Variants in RAB11FIP4 observed in about 807,000 individuals in gnomAD.
The protein encoded by RAB11FIP4 is rab11 family-interacting protein 4.
In RAB11FIP4, 23 loss-of-function variants were observed where a neutral mutation model predicts 74.3. That is an observed-to-expected ratio of 0.31 (90% CI 0.22 to 0.44). RAB11FIP4 has a LOEUF of 0.44. Ranked by LOEUF, RAB11FIP4 falls within the 20% of genes least tolerant of loss-of-function variation. RAB11FIP4 has a pLI of 1.00. For synonymous variants in RAB11FIP4, 360 were observed against 359.9 expected (o/e 1.00, Z 0.00); for missense variants, 630 against 863.9 (o/e 0.73, Z 3.39).
At position 31,536,064 on chromosome 17, in the gene RAB11FIP4, C is replaced by T. The variant is rs940693319; in HGVS notation, c.*4332C>T. The T allele has an allele frequency of 1.7e-4, 25 of 150,722 alleles. No homozygotes were observed. The highest frequency in any genetic ancestry group is 5.9e-4 in the Admixed American group (9 of 15,134). The allele number at this position is 150,722 out of a possible 1,614,324, so 9.3% of individuals were successfully genotyped here. A position where few individuals can be genotyped will look rare whatever the true frequency, so the allele number is the denominator to read the frequency against. ...GGGGGGGGGGGCGCGGGGACAGAAGCGCGGGTTCTTGGTTCCAATGAGGGA... is the reference window on the plus strand; with the variant it reads ...GGGGGGGGGGGCGCGGGGACAGAAGTGCGGGTTCTTGGTTCCAATGAGGGA... On this transcript the variant is annotated 3_prime_UTR_variant, in exon 15 of 15. Transcript: ENST00000621161.
chr17:31,402,905 G>T lies in RAB11FIP4; in HGVS notation c.159+10894G>T, dbSNP rs149087458. Among the ~76,000 whole-genome samples, 825 of 152,164 alleles carry T rather than the reference G, an allele frequency of 5.4e-3. 8 individuals are homozygous for T. Among genetic ancestry groups the T allele is most frequent in the African/African-American group, 0.018 (750 of 41,492 alleles). ...CTCCCAAAGTGCTGGGATTACAGGC[G>T]TGAGCCACCGCGCCTGGCCAGATTA... On this transcript the variant is annotated intron_variant, in intron 1 of 14. Transcript: ENST00000621161.
At chr17:31,450,399 C>T (rs1188431575) in intron 3 of RAB11FIP4, among the ~76,000 whole-genome samples, 2 of 151,266 alleles carry the variant, frequency 1.3e-5, no homozygotes, top group African/African-American at 2.4e-5. Context: ...GGTTGGAGTG[C>T]AGTGGCGTGA....
In RAB11FIP4 at chr17:31,472,475, C is replaced by A. The variant is rs114953107; in HGVS notation, c.336+38353C>A. On this transcript the variant is annotated intron_variant, in intron 3 of 14. Transcript: ENST00000621161. ...GCCCCAGCGCTCACCATCCCTGGTC[C>A]TCACAACCGGCCCAGGATGAATCCC... Among the ~76,000 whole-genome samples, 1,028 of 152,340 alleles carry A rather than the reference C, an allele frequency of 6.7e-3. 15 individuals are homozygous for A. Among genetic ancestry groups the A allele is most frequent in the African/African-American group, 0.024 (978 of 41,572 alleles).
chr17:31,406,885 A>G (rs544372842), intron 1 of RAB11FIP4, among the ~76,000 whole-genome samples: 47 of 152,176 alleles, frequency 3.1e-4, no homozygotes, highest in South Asian at 1.5e-3. Context: ...ATTATATCAC[A>G]TCTGCTTTGT....
chr17:31,490,944 G>T (rs1038270355), intron 3 of RAB11FIP4, among the ~76,000 whole-genome samples: 8 of 152,234 alleles, frequency 5.3e-5, no homozygotes, highest in Non-Finnish European at 1.0e-4. Flanking sequence ...GAACCCCTGG[G>T]GCTGGACTCT....
At chr17:31,476,240 A>AGTGG (rs199786003) in intron 3 of RAB11FIP4, among the ~76,000 whole-genome samples, 1,902 of 124,882 alleles carry the variant, frequency 0.015, 50 homozygotes, top group African/African-American at 0.054. Context: ...GCTGGAGTGC[A>AGTGG]GTGGTGCAAT....
At chr17:31,412,191 G>A (rs115317032) in intron 1 of RAB11FIP4, among the ~76,000 whole-genome samples, 322 of 152,266 alleles carry the variant, frequency 2.1e-3, no homozygotes, top group African/African-American at 7.2e-3. Context: ...GGGTGACTGC[G>A]CACACCACCA....
chr17:31,519,357 C>G (rs1409200376), intron 4 of RAB11FIP4, among the ~76,000 whole-genome samples: 3 of 152,124 alleles, frequency 2.0e-5, no homozygotes, highest in Non-Finnish European at 2.9e-5. Flanking sequence ...GCTATATTTT[C>G]TATATTGAGC....
chr17:31,406,550 T>C (rs1460705911), intron 1 of RAB11FIP4, among the ~76,000 whole-genome samples: 2 of 152,264 alleles, frequency 1.3e-5, no homozygotes, highest in Admixed American at 6.5e-5. Flanking sequence ...TATTTTAATG[T>C]ATTTGTTTCT....
At chr17:31,435,744 A>G (rs1259920629) in intron 3 of RAB11FIP4, among the ~76,000 whole-genome samples, 2 of 152,130 alleles carry the variant, frequency 1.3e-5, no homozygotes, top group Non-Finnish European at 2.9e-5. Flanking sequence ...GTCCACAGAG[A>G]GGGACACAGT....
At chr17:31,454,530 T>A (rs1365273717) in intron 3 of RAB11FIP4, among the ~76,000 whole-genome samples, 1 of 151,578 alleles carries the variant, frequency 6.6e-6, no homozygotes, top group Non-Finnish European at 1.5e-5. Flanking sequence ...CACCTTAGCC[T>A]CCCAAAGCAC....
At chr17:31,482,484 A>G (rs1198734706) in intron 3 of RAB11FIP4, among the ~76,000 whole-genome samples, 1 of 152,102 alleles carries the variant, frequency 6.6e-6, no homozygotes, top group Non-Finnish European at 1.5e-5. Flanking sequence ...TCAGTTACTC[A>G]GGAGGCGGAG....
intron 1 of RAB11FIP4, among the ~76,000 whole-genome samples, chr17:31,420,560 C>T (rs1456190751): frequency 1.3e-5 from 2 of 150,386 alleles, no homozygotes; most frequent in African/African-American, 4.9e-5. Context: ...GATTTGTATT[C>T]TCTCTCTCTT....
chr17:31,464,409 G>C (rs138820077), intron 3 of RAB11FIP4, among the ~76,000 whole-genome samples: 5 of 152,110 alleles, frequency 3.3e-5, no homozygotes, highest in African/African-American at 1.2e-4. Context: ...TCATTACAGA[G>C]AGCAGAGAAA....
chr17:31,468,768 TGCA>T (rs2071710391), intron 3 of RAB11FIP4, among the ~76,000 whole-genome samples: 1 of 151,836 alleles, frequency 6.6e-6, no homozygotes, highest in East Asian at 1.9e-4. Flanking sequence ...AGGCGGAGGT[TGCA>T]GTGAGCCAAG....
chr17:31,516,002 G>T (rs1410952101), intron 3 of RAB11FIP4, among the ~76,000 whole-genome samples: 2 of 152,178 alleles, frequency 1.3e-5, no homozygotes, highest in East Asian at 3.8e-4. Context: ...CTGTGGCAGG[G>T]CCCAGACAGG....
chr17:31,472,100 T>A (rs1264873673), intron 3 of RAB11FIP4, among the ~76,000 whole-genome samples: 3 of 151,206 alleles, frequency 2.0e-5, no homozygotes, highest in African/African-American at 7.3e-5. Flanking sequence ...AGGCGGAGGT[T>A]GCAGTGAGCT....
In RAB11FIP4 at chr17:31,527,808, A is replaced by G. The variant is rs767711865; in HGVS notation, c.1275-34A>G. On this transcript the variant is annotated intron_variant, in intron 10 of 14. Coordinates refer to ENST00000621161, the MANE Select transcript of RAB11FIP4 (RefSeq NM_032932.6). The stretch of plus-strand genomic sequence containing the variant: ...GCGCTTATCAGATAGTCTACATTCC[A>G]GGTTTCTGAGATTTGTCTTTCTCCT... 8 of 1,537,816 alleles carry G rather than the reference A, an allele frequency of 5.2e-6. No individual in the cohort carries two copies. The Admixed American group carries it at 1.5e-4, about 29-fold the overall frequency.
At chr17:31,441,686 C>A (rs549181039) in intron 3 of RAB11FIP4, among the ~76,000 whole-genome samples, 1 of 151,944 alleles carries the variant, frequency 6.6e-6, no homozygotes, top group African/African-American at 2.4e-5. Flanking sequence ...CACGACCATG[C>A]CTGGCTAATT....
Sources: allele counts gnomAD v4.1 joint callset (sites outside exome capture counted in the v4.1 genomes callset), GRCh38; gene constraint gnomAD v4.1.1; transcripts MANE v1.5; gene names NCBI Gene and HGNC (gene_info 2026-07-23, HGNC 2026-07-21).